GABBR2: variants seen among roughly 807,000 people sequenced by gnomAD.
GABBR2 encodes the protein G-protein coupled receptor 51.
In GABBR2, 23 loss-of-function variants were observed where a neutral mutation model predicts 105.6. The observed-to-expected ratio is 0.22, with a 90% CI of 0.16 to 0.31. The LOEUF is 0.31. GABBR2 is among the 10% of genes least tolerant of loss of function. The pLI is 1.00. For missense variants in GABBR2, 734 were observed against 1,245.5 expected (o/e 0.59, Z 6.18); for synonymous variants, 478 against 499.7 (o/e 0.96, Z 0.58).
chr9:98,329,880 T>A (rs1001411567), intron 13 of GABBR2, among the ~76,000 whole-genome samples: 30 of 150,780 alleles, frequency 2.0e-4, no homozygotes, highest in African/African-American at 2.9e-4. Flanking sequence ...TCTCTCTCTC[T>A]CACACACACA....
At chr9:98,403,004 A>G (rs1832421037) in intron 8 of GABBR2, among the ~76,000 whole-genome samples, 1 of 152,124 alleles carries the variant, frequency 6.6e-6, no homozygotes, top group Admixed American at 6.5e-5. Flanking sequence ...TCTGTTTAAA[A>G]AAACATGTAG....
At position 98,300,696 on chromosome 9, in the gene GABBR2, A is replaced by G. The variant is rs1040379861; in HGVS notation, c.2413-1343T>C. Among the ~76,000 whole-genome samples the G allele has an allele frequency of 3.9e-5, 6 of 152,202 alleles. 1 individual carries two copies. In the East Asian group the frequency reaches 9.6e-4, roughly 24 times the overall value. On this transcript the variant is annotated intron_variant, in intron 16 of 18. Coordinates refer to ENST00000259455, the MANE Select transcript of GABBR2 (RefSeq NM_005458.8). ...TCAGGAGCGGGCCTCATGAAACAGA[A>G]TCACTCTCTCTGACCTTCTCCTGTC...
At chr9:98,440,799 A>G (rs935942614) in intron 7 of GABBR2, among the ~76,000 whole-genome samples, 2 of 152,216 alleles carry the variant, frequency 1.3e-5, no homozygotes, top group African/African-American at 4.8e-5. Flanking sequence ...AGGCGGAGCC[A>G]GTGTCCATCA....
At chr9:98,707,122 G>A (rs1248130145) in intron 1 of GABBR2, 1 of 152,252 alleles carries the variant, frequency 6.6e-6, no homozygotes, top group East Asian at 1.9e-4. Flanking sequence ...CAGGGAATAA[G>A]ATACAATCTA....
chr9:98,621,822 T>G (rs1829674032), intron 1 of GABBR2, among the ~76,000 whole-genome samples: 1 of 152,174 alleles, frequency 6.6e-6, no homozygotes, highest in Admixed American at 6.5e-5. Flanking sequence ...CCTACAGATA[T>G]CCGGTGCTGA....
At chr9:98,588,042 T>C (rs1417369743) in intron 1 of GABBR2, among the ~76,000 whole-genome samples, 1 of 152,206 alleles carries the variant, frequency 6.6e-6, no homozygotes. Context: ...TTGCTTCTTT[T>C]ACTTAAATAA....
rs1042783797 is a variant in GABBR2, at chr9:98,376,108, G to A, written c.1663-4537C>T. 7.9e-5 allele frequency among the ~76,000 whole-genome samples: 12 copies of A among 152,160 alleles called. No individual in the cohort carries two copies. The South Asian group carries it at 1.0e-3, about 13-fold the overall frequency. On this transcript the variant is annotated intron_variant, in intron 11 of 18. Transcript: ENST00000259455. ...GGAAGACAAACTTTAGGCAGGTAGTGCCCATCTCAGTCCCAGCTATGAAAA... is the reference window on the plus strand; with the variant it reads ...GGAAGACAAACTTTAGGCAGGTAGTACCCATCTCAGTCCCAGCTATGAAAA...
chr9:98,432,698 C>A (rs1036249195), intron 7 of GABBR2, among the ~76,000 whole-genome samples: 1 of 152,148 alleles, frequency 6.6e-6, no homozygotes, highest in East Asian at 1.9e-4. Flanking sequence ...TAAACCTTTT[C>A]TTTTCCATTA....
chr9:98,356,730 T>C (rs591019), intron 13 of GABBR2, among the ~76,000 whole-genome samples: 3 of 152,008 alleles, frequency 2.0e-5, no homozygotes, highest in African/African-American at 7.2e-5. Flanking sequence ...AGCAGCCTTA[T>C]GTATAATTGC....
At chr9:98,540,197 C>T (rs1231974828) in intron 3 of GABBR2, among the ~76,000 whole-genome samples, 2 of 152,218 alleles carry the variant, frequency 1.3e-5, no homozygotes, top group African/African-American at 4.8e-5. Flanking sequence ...AGATGACGAG[C>T]AGTCTTGCCT....
intron 8 of GABBR2, among the ~76,000 whole-genome samples, chr9:98,399,615 C>T (rs1183457444): frequency 6.6e-6 from 1 of 152,182 alleles, no homozygotes; most frequent in Non-Finnish European, 1.5e-5. Context: ...CAGCACCTGG[C>T]AGGTAGGGGG....
intron 17 of GABBR2, among the ~76,000 whole-genome samples, chr9:98,296,211 C>T (rs1334485698): frequency 2.6e-5 from 4 of 152,170 alleles, no homozygotes; most frequent in Non-Finnish European, 4.4e-5. Flanking sequence ...GGGTTTACCC[C>T]TTCCACTCCT....
At chr9:98,642,625 C>A (rs1280305042) in intron 1 of GABBR2, among the ~76,000 whole-genome samples, 1 of 152,190 alleles carries the variant, frequency 6.6e-6, no homozygotes, top group African/African-American at 2.4e-5. Flanking sequence ...GCAGATCCCA[C>A]CCTATGAGTG....
intron 8 of GABBR2, among the ~76,000 whole-genome samples, chr9:98,401,003 C>T (rs539622996): frequency 1.2e-4 from 18 of 152,132 alleles, no homozygotes; most frequent in African/African-American, 3.1e-4. Context: ...TAAAGAAGCG[C>T]GACTGCACTT....
chr9:98,299,826 G>A (rs955290553), intron 16 of GABBR2, among the ~76,000 whole-genome samples: 3 of 152,088 alleles, frequency 2.0e-5, no homozygotes, highest in Non-Finnish European at 4.4e-5. Flanking sequence ...GGAAAGTTTA[G>A]CCCAGTGTCT....
chr9:98,583,261 T>G (rs550674706), intron 1 of GABBR2, among the ~76,000 whole-genome samples: 1 of 152,258 alleles, frequency 6.6e-6, no homozygotes, highest in Non-Finnish European at 1.5e-5. Context: ...TAATGCTGTG[T>G]CTTCTTACCT....
At chr9:98,542,470 A>G (rs575644672) in intron 2 of GABBR2, among the ~76,000 whole-genome samples, 1 of 152,358 alleles carries the variant, frequency 6.6e-6, no homozygotes, top group South Asian at 2.1e-4. Flanking sequence ...TGAATATACC[A>G]TAAATTTACT....
At chr9:98,645,989 C>T (rs1266669558) in intron 1 of GABBR2, among the ~76,000 whole-genome samples, 1 of 152,152 alleles carries the variant, frequency 6.6e-6, no homozygotes, top group Non-Finnish European at 1.5e-5. Flanking sequence ...AACAGCAGGC[C>T]AGGATGTAAA....
At chr9:98,517,822 A>G (rs547987465) in intron 3 of GABBR2, among the ~76,000 whole-genome samples, 1 of 152,138 alleles carries the variant, frequency 6.6e-6, no homozygotes, top group East Asian at 1.9e-4. Context: ...CAGAAGACCA[A>G]TGAGAACCCA....
Sources: allele counts gnomAD v4.1 joint callset (sites outside exome capture counted in the v4.1 genomes callset), GRCh38; gene constraint gnomAD v4.1.1; transcripts MANE v1.5; gene names NCBI Gene and HGNC (gene_info 2026-07-23, HGNC 2026-07-21).